Variants in ACTN4 observed in about 807,000 individuals in gnomAD.
ACTN4 encodes actinin alpha 4.
A neutral mutation model predicts 114.2 loss-of-function variants in ACTN4; 18 were observed. The observed-to-expected ratio is 0.16, with a 90% CI of 0.11 to 0.23. The LOEUF is 0.23. Among genes scored for constraint, ACTN4 ranks in the 10% least tolerant of loss-of-function variants. The probability of loss-of-function intolerance (pLI) is 1.00; values close to 1 mark genes in which losing one functional copy is unlikely to be tolerated. For synonymous variants in ACTN4, 515 were observed against 506.3 expected (o/e 1.02, Z -0.23); for missense variants, 722 against 1,262.9 (o/e 0.57, Z 6.49).
rs1244471275 is a variant in ACTN4 at position 38,731,478 on chromosome 19, T to G, written c.*2046T>G. On this transcript the variant is annotated 3_prime_UTR_variant, in exon 21 of 21. Transcript: ENST00000252699. ...AACGCTCAGGACAGCGTCTGACACGTGACTCGATGTGTGGGTACTGTTACT... is the reference window on the plus strand; with the variant it reads ...AACGCTCAGGACAGCGTCTGACACGGGACTCGATGTGTGGGTACTGTTACT... The G allele has an allele frequency of 9.2e-6, 5 of 543,568 alleles. No individual in the cohort carries two copies. In the African/African-American group the frequency reaches 9.5e-5, roughly 10 times the overall value. The allele number at this position is 543,568 out of a possible 1,614,324, so 33.7% of individuals were successfully genotyped here. A position where few individuals can be genotyped will look rare whatever the true frequency, so the allele number is the denominator to read the frequency against.
At chr19:38,658,709 A>G in intron 1 of ACTN4, among the ~76,000 whole-genome samples, 1 of 152,206 alleles carries the variant, frequency 6.6e-6, no homozygotes. Context: ...GGCCGGTTCA[A>G]GGGCAGTCAG....
At chr19:38,691,925 C>T (rs3786839) in intron 1 of ACTN4, among the ~76,000 whole-genome samples, 53,091 of 151,716 alleles carry the variant, frequency 0.35, 11,188 homozygotes, top group Non-Finnish European at 0.47. Context: ...AAACAAAATC[C>T]GTCCTTTGCA....
chr19:38,705,433 C>G (rs1968425275), intron 4 of ACTN4, among the ~76,000 whole-genome samples: 1 of 152,202 alleles, frequency 6.6e-6, no homozygotes, highest in Non-Finnish European at 1.5e-5. Flanking sequence ...CTCAGGCCGT[C>G]CAGGAATGGA....
At chr19:38,715,619 A>G (rs1011794746) in intron 9 of ACTN4, among the ~76,000 whole-genome samples, 2 of 152,226 alleles carry the variant, frequency 1.3e-5, no homozygotes, top group African/African-American at 4.8e-5. Context: ...TTGGATGTCC[A>G]ACCTAAGAGG....
At chr19:38,673,743 ATT>A (rs1568691070) in intron 1 of ACTN4, among the ~76,000 whole-genome samples, 17 of 93,470 alleles carry the variant, frequency 1.8e-4, no homozygotes, top group Admixed American at 4.1e-4. Context: ...ATATTTATAT[ATT>A]TATATATATT....
At chr19:38,651,596 G>A (rs771392032) in intron 1 of ACTN4, among the ~76,000 whole-genome samples, 1 of 152,022 alleles carries the variant, frequency 6.6e-6, no homozygotes, top group Non-Finnish European at 1.5e-5. Flanking sequence ...ACTATTTCAG[G>A]GGCCTCAATG....
chr19:38,666,698 C>T (rs1966972895), intron 1 of ACTN4, among the ~76,000 whole-genome samples: 1 of 152,204 alleles, frequency 6.6e-6, no homozygotes, highest in Admixed American at 6.5e-5. Flanking sequence ...GTTCAATTAG[C>T]CTGGGCATTA....
chr19:38,725,025 C>T (rs564877647), intron 16 of ACTN4, among the ~76,000 whole-genome samples: 2 of 152,286 alleles, frequency 1.3e-5, no homozygotes, highest in South Asian at 4.1e-4. Context: ...GACTCAGGCA[C>T]TATTGAACCT....
chr19:38,726,486 G>A (rs987057798), intron 17 of ACTN4, among the ~76,000 whole-genome samples: 12 of 152,150 alleles, frequency 7.9e-5, no homozygotes, highest in East Asian at 5.8e-4. Context: ...GCCAGCCAGC[G>A]GGTGCCGGGT....
Position 38,717,879 on chromosome 19 carries a change from T to TGGC in ACTN4, c.1144-47_1144-46insGCG, listed in dbSNP as rs774297184. ...CATCCCTTGGAGACATCCCCCTGGG[T>TGGC]GCCTCCACTTCCTTGTGATAGCCCT... On this transcript the variant is annotated intron_variant, in intron 10 of 20. Transcript: ENST00000252699. The surrounding 1 kb of genome is among the most constrained non-coding windows in gnomAD (Gnocchi z 4.0). 12 of 1,556,900 alleles carry TGGC rather than the reference T, an allele frequency of 7.7e-6. No homozygotes were observed.
intron 1 of ACTN4, among the ~76,000 whole-genome samples, chr19:38,676,683 T>G (rs1967386522): frequency 6.6e-6 from 1 of 152,062 alleles, no homozygotes; most frequent in Non-Finnish European, 1.5e-5. Flanking sequence ...AAGGCCTGAG[T>G]AGGAGCTTTT....
In ACTN4 at chr19:38,729,613, G is replaced by A. The variant is rs1309323529; in HGVS notation, c.*181G>A. ...CTCTCTCTCTTTGTGGGTTGGCCAGGAGGTTCCCCCGACCAGGTTGGGGAG... is the reference window on the plus strand; with the variant it reads ...CTCTCTCTCTTTGTGGGTTGGCCAGAAGGTTCCCCCGACCAGGTTGGGGAG... On this transcript the variant is annotated 3_prime_UTR_variant, in exon 21 of 21. Coordinates refer to ENST00000252699, the MANE Select transcript of ACTN4 (RefSeq NM_004924.6). 1.8e-5 allele frequency: 16 copies of A among 913,980 alleles called. No individual in the cohort carries two copies. Among genetic ancestry groups the A allele is most frequent in the Non-Finnish European group, 2.8e-5 (16 of 580,042 alleles). The allele number at this position is 913,980 out of a possible 1,614,324, so 56.6% of individuals were successfully genotyped here. A position where few individuals can be genotyped will look rare whatever the true frequency, so the allele number is the denominator to read the frequency against.
Position 38,727,879 on chromosome 19 carries a change from C to A in ACTN4, c.2338-67C>A, listed in dbSNP as rs1010610043. 61 of 1,496,200 alleles carry A rather than the reference C, an allele frequency of 4.1e-5. No individual in the cohort carries two copies. The Admixed American group carries it at 8.9e-4, about 22-fold the overall frequency. 92.7% of individuals were successfully genotyped at this position (1,496,200 alleles called of 1,614,324 possible). A position where few individuals can be genotyped will look rare whatever the true frequency, so the allele number is the denominator to read the frequency against. Reference sequence around the variant, plus strand: ...CCTTCCCCCTGCCCTCTGCATGTGACCCCGATCCCTCATCCTGGTCTCCAC... The same window carrying A: ...CCTTCCCCCTGCCCTCTGCATGTGAACCCGATCCCTCATCCTGGTCTCCAC... On this transcript the variant is annotated intron_variant, in intron 18 of 20. Transcript: ENST00000252699. This position sits in a 1 kb window ranked among gnomAD's most constrained non-coding sequence, Gnocchi z 5.4.
chr19:38,694,898 A>G (rs1045984364), intron 1 of ACTN4, among the ~76,000 whole-genome samples: 15 of 151,960 alleles, frequency 9.9e-5, no homozygotes, highest in African/African-American at 3.6e-4. Flanking sequence ...GGGTTGAGAC[A>G]GGGTCTGGCT....
intron 17 of ACTN4, among the ~76,000 whole-genome samples, chr19:38,726,281 CTG>C (rs1013403270): frequency 7.1e-6 from 1 of 140,286 alleles, no homozygotes; most frequent in African/African-American, 2.7e-5. Context: ...GAGCCAGACT[CTG>C]TCTCAAAAAA....
At chr19:38,708,253 C>T in intron 6 of ACTN4, 58 bp downstream of exon 6, 1 of 1,557,002 alleles carries the variant, frequency 6.4e-7, no homozygotes, top group African/African-American at 1.4e-5. Context: ...GACCCCCTAA[C>T]TCCGGGTCAC....
chr19:38,711,442 G>A lies in ACTN4; in HGVS notation c.819+1100G>A, dbSNP rs964865328. On this transcript the variant is annotated intron_variant, in intron 8 of 20. Transcript: ENST00000252699. The stretch of plus-strand genomic sequence containing the variant: ...GCCCTTGCATCACCGCTGGCCATCT[G>A]TGGTTGGAGCCCTGGCCAGGCCGTG... The A allele has an allele frequency of 1.4e-4, 103 of 727,224 alleles. No homozygotes were observed. The African/African-American group carries it at 1.8e-3, about 13-fold the overall frequency. 45.0% of individuals were successfully genotyped at this position (727,224 alleles called of 1,614,324 possible).
chr19:38,673,690 A>AC (rs1333218699), intron 1 of ACTN4, among the ~76,000 whole-genome samples: 1 of 68,550 alleles, frequency 1.5e-5, no homozygotes, highest in African/African-American at 6.0e-5. Flanking sequence ...ATTTATATAT[A>AC]TTATATATAT....
chr19:38,730,654 A>C lies in ACTN4; in HGVS notation c.*1222A>C. ...GACTAGCTCGTGTCATCTGCTCGAG[A>C]AGGGCTGTCGCTGTTCTTGTTTCTG... On this transcript the variant is annotated 3_prime_UTR_variant, in exon 21 of 21. Coordinates refer to ENST00000252699, the MANE Select transcript of ACTN4 (RefSeq NM_004924.6). 3.1e-6 allele frequency: 2 copies of C among 645,656 alleles called. No homozygotes were observed. Among genetic ancestry groups the C allele is most frequent in the East Asian group, 5.5e-5 (2 of 36,694 alleles). The allele number at this position is 645,656 out of a possible 1,614,324, so 40.0% of individuals were successfully genotyped here.
Sources: gnomAD v4.1 joint callset for allele counts (sites outside exome capture counted in the v4.1 genomes callset) on GRCh38, gnomAD v4.1.1 for gene constraint, Gnocchi (gnomAD v3.1) non-coding constraint, MANE v1.5 for transcripts, NCBI Gene and HGNC (gene_info 2026-07-23, HGNC 2026-07-21) for gene names.